Variants in ZNF609 observed in about 807,000 individuals in gnomAD.
The protein encoded by ZNF609 is zinc finger protein 609.
ZNF609 carries 11 observed loss-of-function variants against 109.5 expected under a neutral mutation model. That is an observed-to-expected ratio of 0.10 (90% CI 0.06 to 0.17). The LOEUF (loss-of-function observed/expected upper bound fraction) is 0.17. Among genes scored for constraint, ZNF609 ranks in the 10% least tolerant of loss-of-function variants. The pLI is 1.00. For synonymous variants in ZNF609, 646 were observed against 662.0 expected (o/e 0.98, Z 0.37); for missense variants, 1,559 against 1,772.4 (o/e 0.88, Z 2.16).
intron 2 of ZNF609, among the ~76,000 whole-genome samples, chr15:64,581,590 A>G (rs1342458443): frequency 6.6e-6 from 1 of 152,136 alleles, no homozygotes; most frequent in Non-Finnish European, 1.5e-5. Context: ...GGAAAGGTCA[A>G]ATAATGATAA....
At chr15:64,587,747 A>C (rs957502510) in intron 2 of ZNF609, among the ~76,000 whole-genome samples, 1 of 152,136 alleles carries the variant, frequency 6.6e-6, no homozygotes, top group African/African-American at 2.4e-5. Context: ...ACACTATAAA[A>C]ATAGCTCTTT....
chr15:64,670,058 C>T (rs1896704265), intron 3 of ZNF609, among the ~76,000 whole-genome samples: 1 of 152,140 alleles, frequency 6.6e-6, no homozygotes, highest in South Asian at 2.1e-4. Context: ...TCGCTTGAGG[C>T]TGTACTCCAG....
intron 5 of ZNF609, among the ~76,000 whole-genome samples, chr15:64,676,583 A>G (rs931962736): frequency 6.6e-6 from 1 of 151,418 alleles, no homozygotes; most frequent in South Asian, 2.1e-4. Context: ...GGCACACGCC[A>G]CCATGCCCAG....
At chr15:64,629,715 C>A (rs1185226460) in intron 3 of ZNF609, among the ~76,000 whole-genome samples, 3 of 152,168 alleles carry the variant, frequency 2.0e-5, no homozygotes, top group Non-Finnish European at 4.4e-5. Context: ...TAGCTGGATA[C>A]ATTACTTCCC....
intron 1 of ZNF609, among the ~76,000 whole-genome samples, chr15:64,487,655 C>A (rs574139369): frequency 6.6e-6 from 1 of 151,052 alleles, no homozygotes; most frequent in South Asian, 2.1e-4. Context: ...TTTTTTGAGA[C>A]GGAGTCTTGC....
intron 2 of ZNF609, among the ~76,000 whole-genome samples, chr15:64,603,138 T>C (rs1595735011): frequency 6.6e-6 from 1 of 152,140 alleles, no homozygotes; most frequent in East Asian, 1.9e-4. Flanking sequence ...TCGCTTTTAT[T>C]CCACCAATAA....
At chr15:64,657,014 T>C (rs530583774) in intron 3 of ZNF609, among the ~76,000 whole-genome samples, 95 of 152,234 alleles carry the variant, frequency 6.2e-4, no homozygotes, top group African/African-American at 2.2e-3. Flanking sequence ...ATCCCAGCAC[T>C]TTGGGAGGCT....
At chr15:64,643,551 T>G (rs1896291685) in intron 3 of ZNF609, among the ~76,000 whole-genome samples, 1 of 152,162 alleles carries the variant, frequency 6.6e-6, no homozygotes, top group Non-Finnish European at 1.5e-5. Flanking sequence ...AAAGGACCTT[T>G]GGCCATTATA....
At chr15:64,611,015 GCTTA>G (rs949340587) in intron 2 of ZNF609, among the ~76,000 whole-genome samples, 3 of 152,024 alleles carry the variant, frequency 2.0e-5, no homozygotes, top group South Asian at 2.1e-4. Flanking sequence ...CATTTTGTTT[GCTTA>G]CTTGTTTTTA....
chr15:64,584,207 C>T (rs575445331), intron 2 of ZNF609, among the ~76,000 whole-genome samples: 111 of 152,270 alleles, frequency 7.3e-4, no homozygotes, highest in African/African-American at 2.5e-3. Flanking sequence ...ATCTCTGACT[C>T]GGCACTTTGG....
chr15:64,537,550 CA>C (rs977256001), intron 2 of ZNF609, among the ~76,000 whole-genome samples: 1 of 146,080 alleles, frequency 6.8e-6, no homozygotes. Context: ...GAGACTCCAT[CA>C]AAAAAAAGAA....
At chr15:64,521,931 T>C (rs1013430525) in intron 2 of ZNF609, among the ~76,000 whole-genome samples, 1 of 152,224 alleles carries the variant, frequency 6.6e-6, no homozygotes, top group African/African-American at 2.4e-5. Flanking sequence ...GATTGTTTCT[T>C]AATCCCTGTA....
intron 3 of ZNF609, 30 bp downstream of exon 3, chr15:64,623,082 T>A: frequency 4.4e-6 from 7 of 1,602,072 alleles, no homozygotes; most frequent in Non-Finnish European, 6.0e-6. Flanking sequence ...TTCCCCTCCC[T>A]TCTCAACCTG....
chr15:64,534,732 A>G lies in ZNF609; in HGVS notation c.747+34566A>G, dbSNP rs1303612713. 2.0e-5 allele frequency among the ~76,000 whole-genome samples: 3 copies of G among 152,174 alleles called. No individual in the cohort carries two copies. In the East Asian group the frequency reaches 5.8e-4, roughly 30 times the overall value. ...TGTTCTCCATTTCAAAAATTTTGTT[A>G]TATAAAAACTGTTATTTAGGCCCGG... On this transcript the variant is annotated intron_variant, in intron 2 of 9. Coordinates refer to ENST00000326648, the MANE Select transcript of ZNF609 (RefSeq NM_015042.2).
At chr15:64,476,774 G>A (rs751512934) in intron 1 of ZNF609, among the ~76,000 whole-genome samples, 5 of 152,190 alleles carry the variant, frequency 3.3e-5, no homozygotes, top group African/African-American at 1.2e-4. Context: ...TTACCCTTCT[G>A]CTGACTGAGC....
intron 2 of ZNF609, among the ~76,000 whole-genome samples, chr15:64,598,936 C>T (rs1241865467): frequency 6.6e-6 from 1 of 150,396 alleles, no homozygotes; most frequent in Non-Finnish European, 1.5e-5. Context: ...TTTACATACT[C>T]TTACCAACTG....
At chr15:64,487,755 C>T (rs1164855091) in intron 1 of ZNF609, among the ~76,000 whole-genome samples, 1 of 152,144 alleles carries the variant, frequency 6.6e-6, no homozygotes, top group Admixed American at 6.5e-5. Flanking sequence ...GCCTCAGCCT[C>T]CTGAGTAGCT....
intron 3 of ZNF609, among the ~76,000 whole-genome samples, chr15:64,632,946 T>G (rs1896107894): frequency 1.3e-5 from 2 of 151,392 alleles, no homozygotes; most frequent in South Asian, 4.2e-4. Flanking sequence ...CTAATTTTTT[T>G]TGTTTTAATT....
At chr15:64,534,401 G>A (rs7174975) in intron 2 of ZNF609, among the ~76,000 whole-genome samples, 114 of 151,892 alleles carry the variant, frequency 7.5e-4, no homozygotes, top group African/African-American at 2.5e-3. Context: ...TGCAACCTCC[G>A]CCTCCCGGGT....
Sources: allele counts gnomAD v4.1 joint callset (sites outside exome capture counted in the v4.1 genomes callset), GRCh38; gene constraint gnomAD v4.1.1; transcripts MANE v1.5; gene names NCBI Gene and HGNC (gene_info 2026-07-23, HGNC 2026-07-21).